SLC15A4: variants seen among roughly 807,000 people sequenced by gnomAD.
SLC15A4 encodes solute carrier family 15 member 4, also known as hPHT1.
A neutral mutation model predicts 46.1 loss-of-function variants in SLC15A4; 26 were observed. That is an observed-to-expected ratio of 0.56 (90% confidence interval 0.41 to 0.78). The LOEUF is 0.78. Ranked by LOEUF, SLC15A4 falls within the 30% of genes least tolerant of loss-of-function variation. The pLI, the probability that SLC15A4 is intolerant of heterozygous loss-of-function variation, is 0.00. For synonymous variants in SLC15A4, 370 were observed against 333.4 expected (o/e 1.11, Z -1.20); for missense variants, 751 against 755.7 (o/e 0.99, Z 0.07).
intron 5 of SLC15A4, among the ~76,000 whole-genome samples, chr12:128,807,488 T>C (rs891530824): frequency 1.3e-5 from 2 of 152,180 alleles, no homozygotes; most frequent in Non-Finnish European, 2.9e-5. Context: ...TCAACCAGTG[T>C]GGTGACGGGG....
chr12:128,795,081 G>A (rs539878655), intron 7 of SLC15A4, among the ~76,000 whole-genome samples: 22 of 152,206 alleles, frequency 1.4e-4, no homozygotes, highest in South Asian at 1.0e-3. Context: ...TGAGGTGAGC[G>A]TCTTTGTAAC....
chr12:128,818,468 T>G (rs977496667), intron 1 of SLC15A4, among the ~76,000 whole-genome samples: 10 of 152,202 alleles, frequency 6.6e-5, no homozygotes, highest in Non-Finnish European at 1.5e-4. Context: ...AACCCTCGCC[T>G]GGGGCACAAC....
At chr12:128,822,253 G>A (rs564864953) in intron 1 of SLC15A4, among the ~76,000 whole-genome samples, 2 of 152,210 alleles carry the variant, frequency 1.3e-5, no homozygotes, top group African/African-American at 2.4e-5. Context: ...AGTTGCAGGG[G>A]AGCAGCTTGA....
At chr12:128,821,884 C>CAAAA (rs10579523) in intron 1 of SLC15A4, among the ~76,000 whole-genome samples, 1 of 132,974 alleles carries the variant, frequency 7.5e-6, no homozygotes, top group Non-Finnish European at 1.6e-5. Flanking sequence ...GACTCCGCCT[C>CAAAA]AAAAAAAAAA....
At chr12:128,796,045 T>G (rs1306827016) in intron 7 of SLC15A4, among the ~76,000 whole-genome samples, 1 of 152,254 alleles carries the variant, frequency 6.6e-6, no homozygotes, top group African/African-American at 2.4e-5. Context: ...AAGACCTTTT[T>G]AAAGCTGGGT....
chr12:128,801,963 ACT>A (rs1376600650), intron 5 of SLC15A4, among the ~76,000 whole-genome samples: 5 of 152,200 alleles, frequency 3.3e-5, no homozygotes, highest in Non-Finnish European at 7.3e-5. Context: ...GAGAACACAA[ACT>A]CTGGAATTTC....
At chr12:128,811,336 T>C (rs987103741) in intron 2 of SLC15A4, among the ~76,000 whole-genome samples, 2 of 152,258 alleles carry the variant, frequency 1.3e-5, no homozygotes, top group African/African-American at 4.8e-5. Context: ...TTTTAAATTC[T>C]TTATCTTATA....
At chr12:128,813,824 T>C (rs1410782425) in intron 2 of SLC15A4, 1 of 152,302 alleles carries the variant, frequency 6.6e-6, no homozygotes, top group Non-Finnish European at 1.5e-5. Context: ...AATCTATGCC[T>C]TGACTGCACT....
In SLC15A4 at chr12:128,823,857, C is replaced by A. The variant is rs1470426641; in HGVS notation, c.87G>T (p.Ala29=). 2.7e-6 allele frequency: 3 copies of A among 1,120,066 alleles called. No homozygotes were observed. The highest frequency in any genetic ancestry group is 3.3e-6 in the Non-Finnish European group (3 of 915,342). The allele number at this position is 1,120,066 out of a possible 1,614,324, so 69.4% of individuals were successfully genotyped here. Residue 29 remains alanine (A), a synonymous_variant, in exon 1 of 8, where the codon GCG becomes GCT. Transcript: ENST00000266771. The part of the protein sequence containing the change: ...RAAAAAAAAG[A]FAGRRAACGA... ...CGCACGCCGCGCGCCGGCCCGCGAA[C>A]GCCCCAGCCGCCGCCGCGGCCGCCG... is the stretch of plus-strand genomic sequence containing the variant.
At chr12:128,819,708 T>C (rs1955808308) in intron 1 of SLC15A4, 1 of 152,204 alleles carries the variant, frequency 6.6e-6, no homozygotes, top group African/African-American at 2.4e-5. Context: ...ATGACAGCAT[T>C]ACGTCGGAAG....
intron 5 of SLC15A4, among the ~76,000 whole-genome samples, chr12:128,807,286 A>G (rs1955601243): frequency 6.6e-6 from 1 of 152,180 alleles, no homozygotes; most frequent in Admixed American, 6.5e-5. Context: ...TCCTGCACAA[A>G]CACATATCGA....
At position 128,794,070 on chromosome 12, in the gene SLC15A4, C is replaced by T. The variant is rs113689058; in HGVS notation, c.*126G>A. 1.8e-5 allele frequency: 18 copies of T among 981,122 alleles called. No individual in the cohort carries two copies. The African/African-American group carries it at 2.1e-4, about 12-fold the overall frequency. 60.8% of individuals were successfully genotyped at this position (981,122 alleles called of 1,614,324 possible). The stretch of plus-strand genomic sequence containing the variant: ...GATAGAGGGAAAGAAGAAATCAATC[C>T]AGGCAACATGCAAGTTTCAGTGAAG... On this transcript the variant is annotated 3_prime_UTR_variant, in exon 8 of 8. Transcript: ENST00000266771.
In SLC15A4 at chr12:128,823,397, C is replaced by T. The variant is rs1402062828; in HGVS notation, c.546+1G>A. 7.0e-7 allele frequency: 1 copy of T among 1,422,386 alleles called. No homozygotes were observed. Among genetic ancestry groups the T allele is most frequent in the South Asian group, 1.5e-5 (1 of 68,474 alleles). 88.1% of individuals were successfully genotyped at this position (1,422,386 alleles called of 1,614,324 possible). A position where few individuals can be genotyped will look rare whatever the true frequency, so the allele number is the denominator to read the frequency against. On this transcript the variant is annotated splice_donor_variant, in intron 1 of 7. Coordinates refer to ENST00000266771, the MANE Select transcript of SLC15A4 (RefSeq NM_145648.4). LOFTEE classifies it high-confidence loss of function. ...GGACAGCGCGCGGGGGCGCGGCTCA[C>T]CTGGTCGGCGCCGAAGGGCGTGATG... is the stretch of plus-strand genomic sequence containing the variant.
chr12:128,808,486 G>A lies in SLC15A4; in HGVS notation c.1258+302C>T, dbSNP rs1244859167. The stretch of plus-strand genomic sequence containing the variant: ...TAATTTACAAAAATTCATCTATTCA[G>A]CATTCAATAGCCTAATTCTAAATCA... On this transcript the variant is annotated intron_variant, in intron 5 of 7. Transcript: ENST00000266771. Among the ~76,000 whole-genome samples, 4 of 152,254 alleles carry A rather than the reference G, an allele frequency of 2.6e-5. No homozygotes were observed. In the East Asian group the frequency reaches 7.7e-4, roughly 29 times the overall value.
rs11837883 is a variant in SLC15A4, at chr12:128,799,943, G to A, written c.1415-526C>T. Among the ~76,000 whole-genome samples the A allele has an allele frequency of 8.6e-3, 1,307 of 152,234 alleles. 19 individuals carry two copies. Among genetic ancestry groups the A allele is most frequent in the African/African-American group, 0.028 (1,167 of 41,546 alleles). Reference sequence around the variant, plus strand: ...CGCAACTTCCGCCTCCCTGGTTCAAGCGATTCTCCTGCCTCAGCCTCCCGA... The same window carrying A: ...CGCAACTTCCGCCTCCCTGGTTCAAACGATTCTCCTGCCTCAGCCTCCCGA... On this transcript the variant is annotated intron_variant, in intron 6 of 7. Transcript: ENST00000266771.
At chr12:128,794,762 G>A (rs928800625) in intron 7 of SLC15A4, among the ~76,000 whole-genome samples, 38 of 152,194 alleles carry the variant, frequency 2.5e-4, no homozygotes, top group African/African-American at 7.0e-4. Context: ...GCCTAAGGCC[G>A]CACGACAAGG....
At chr12:128,799,692 ATGTGATTTGTT>A (rs1955492089) in intron 6 of SLC15A4, among the ~76,000 whole-genome samples, 1 of 152,240 alleles carries the variant, frequency 6.6e-6, no homozygotes, top group Non-Finnish European at 1.5e-5. Flanking sequence ...CTTAAAGGTA[ATGTGATTTGTT>A]GGCTCTTAGA....
chr12:128,805,668 A>G (rs1432472951), intron 5 of SLC15A4, among the ~76,000 whole-genome samples: 2 of 152,116 alleles, frequency 1.3e-5, no homozygotes, highest in African/African-American at 4.8e-5. Context: ...AGTAGCTGGG[A>G]TTAAAGGCAT....
intron 7 of SLC15A4, among the ~76,000 whole-genome samples, chr12:128,796,995 C>T (rs1367955616): frequency 1.3e-5 from 2 of 152,272 alleles, no homozygotes; most frequent in South Asian, 2.1e-4. Context: ...ACAGGGTATT[C>T]GGAAACGCCT....
Sources: allele counts gnomAD v4.1 joint callset (sites outside exome capture counted in the v4.1 genomes callset), GRCh38; gene constraint gnomAD v4.1.1; transcripts MANE v1.5; gene names NCBI Gene and HGNC (gene_info 2026-07-23, HGNC 2026-07-21).